The following KIRREL3 variants were observed in gnomAD, a reference collection of about 807,000 sequenced individuals.
KIRREL3 encodes the protein kin of IRRE-like protein 3.
In KIRREL3, 36 loss-of-function variants were observed where a neutral mutation model predicts 89.7. The ratio of observed to expected loss-of-function variants is 0.40; its 90% CI spans 0.31 to 0.53. The LOEUF is 0.53. KIRREL3 is among the 20% of genes least tolerant of loss of function. The pLI is 0.49. For synonymous variants in KIRREL3, 445 were observed against 441.4 expected (o/e 1.01, Z -0.10); for missense variants, 864 against 1,056.6 (o/e 0.82, Z 2.53).
chr11:126,699,243 C>G (rs1445316647), intron 1 of KIRREL3, among the ~76,000 whole-genome samples: 1 of 152,170 alleles, frequency 6.6e-6, no homozygotes. Flanking sequence ...GAGCCAGAGC[C>G]CCTCCATCCA....
chr11:126,863,618 T>TGTGA (rs4055000), intron 1 of KIRREL3, among the ~76,000 whole-genome samples: 84,248 of 123,080 alleles, frequency 0.68, 25,572 homozygotes, highest in African/African-American at 0.78. Context: ...TGCGTGCGTG[T>TGTGA]GTGTGTGTTT....
chr11:126,657,307 G>T (rs954611763), intron 1 of KIRREL3, among the ~76,000 whole-genome samples: 6 of 152,022 alleles, frequency 3.9e-5, no homozygotes, highest in South Asian at 2.1e-4. Context: ...AGGCTCTGAG[G>T]GGCCTAGTTA....
At chr11:126,869,263 C>T (rs975825680) in intron 1 of KIRREL3, among the ~76,000 whole-genome samples, 1 of 151,526 alleles carries the variant, frequency 6.6e-6, no homozygotes, top group East Asian at 1.9e-4. Flanking sequence ...GGAATGAACA[C>T]CCGGCTTCCT....
rs1238482367 is a variant in KIRREL3, at chr11:126,995,114, G to T, written c.55+5341C>A. The T allele has an allele frequency of 2.2e-6, 1 of 446,112 alleles. No homozygotes were observed. 27.6% of individuals were successfully genotyped at this position (446,112 alleles called of 1,614,324 possible). ...ATTACAACCTGGGCGCAGTATACTG[G>T]CTGGCTTTGCTGCTCACTCCCTTAC... On this transcript the variant is annotated intron_variant, in intron 1 of 16. Coordinates refer to ENST00000525144, the MANE Select transcript of KIRREL3 (RefSeq NM_032531.4). This position sits in a 1 kb window ranked among gnomAD's most constrained non-coding sequence, Gnocchi z 6.5.
intron 1 of KIRREL3, among the ~76,000 whole-genome samples, chr11:126,853,739 T>TAA (rs371500160): frequency 5.4e-5 from 8 of 148,074 alleles, no homozygotes; most frequent in African/African-American, 1.7e-4. Context: ...CACATAAACT[T>TAA]AAAAAAAAAA....
In KIRREL3 at chr11:126,605,414, G is replaced by T. The variant is rs1432667231; in HGVS notation, c.56-42502C>A. ...CTTGGGTCTGGGATTTGAGGCTCAG[G>T]GGGAGGAGTCCTGCGGTGACTGCTG... On this transcript the variant is annotated intron_variant, in intron 1 of 16. Transcript: ENST00000525144. This position sits in a 1 kb window ranked among gnomAD's most constrained non-coding sequence, Gnocchi z 5.7. Among the ~76,000 whole-genome samples the T allele has an allele frequency of 6.6e-6, 1 of 152,188 alleles. No individual in the cohort carries two copies. The highest frequency in any genetic ancestry group is 6.5e-5 in the Admixed American group (1 of 15,282).
chr11:126,604,947 A>G (rs1359001699), intron 1 of KIRREL3, among the ~76,000 whole-genome samples: 1 of 152,220 alleles, frequency 6.6e-6, no homozygotes, highest in Non-Finnish European at 1.5e-5. Context: ...CTCATAGCAC[A>G]CTTAGGAGGA....
rs1040529557 is a variant in KIRREL3, at chr11:126,708,959, A to G, written c.56-146047T>C. ...GAATTGGTTTCTTCTCTATCCCACT[A>G]TTACTGTCCTGATCCGTGCTAATCC... On this transcript the variant is annotated intron_variant, in intron 1 of 16. Transcript: ENST00000525144. The surrounding 1 kb of genome is among the most constrained non-coding windows in gnomAD (Gnocchi z 5.7). Among the ~76,000 whole-genome samples the G allele has an allele frequency of 1.3e-5, 2 of 151,928 alleles. No individual in the cohort carries two copies. The highest frequency in any genetic ancestry group is 4.8e-5 in the African/African-American group (2 of 41,322).
intron 1 of KIRREL3, among the ~76,000 whole-genome samples, chr11:126,973,158 T>G (rs938115470): frequency 1.2e-4 from 16 of 135,290 alleles, no homozygotes; most frequent in Non-Finnish European, 2.5e-4. Context: ...TGCATGAGCA[T>G]GTTAGTCACG....
At chr11:126,451,014 C>T (rs1437262899) in intron 7 of KIRREL3, among the ~76,000 whole-genome samples, 1 of 134,478 alleles carries the variant, frequency 7.4e-6, no homozygotes, top group Non-Finnish European at 1.6e-5. Flanking sequence ...CACGTGAGTG[C>T]ATGTGTCCAT....
In KIRREL3 at chr11:126,490,879, A is replaced by C. The variant is rs904356194; in HGVS notation, c.434-17413T>G. Among the ~76,000 whole-genome samples the C allele has an allele frequency of 5.3e-5, 8 of 152,152 alleles. No individual in the cohort carries two copies. Among genetic ancestry groups the C allele is most frequent in the African/African-American group, 1.9e-4 (8 of 41,414 alleles). ...ACGCCACTGCTTCCTTCTGGAGTGC[A>C]AGGTCAGGCAGGGATGCTCATTTGC... On this transcript the variant is annotated intron_variant, in intron 4 of 16. Transcript: ENST00000525144. This position sits in a 1 kb window ranked among gnomAD's most constrained non-coding sequence, Gnocchi z 4.2.
chr11:126,710,812 C>T lies in KIRREL3; in HGVS notation c.56-147900G>A, dbSNP rs1947726466. On this transcript the variant is annotated intron_variant, in intron 1 of 16. Transcript: ENST00000525144. The surrounding 1 kb of genome is among the most constrained non-coding windows in gnomAD (Gnocchi z 4.2). ...GAACAGATCTACTACAGTTTGACAA[C>T]TGCCACAAACACAAATCTTATTTGG... is the stretch of plus-strand genomic sequence containing the variant. 6.6e-6 allele frequency among the ~76,000 whole-genome samples: 1 copy of T among 152,190 alleles called. No individual in the cohort carries two copies. The highest frequency in any genetic ancestry group is 2.1e-4 in the South Asian group (1 of 4,822).
intron 1 of KIRREL3, among the ~76,000 whole-genome samples, chr11:126,604,277 G>A (rs1027520172): frequency 6.6e-6 from 1 of 152,194 alleles, no homozygotes; most frequent in African/African-American, 2.4e-5. Flanking sequence ...CGTGGGAATG[G>A]GCAGGAAGAC....
chr11:126,581,304 G>T (rs1046541888), intron 1 of KIRREL3, among the ~76,000 whole-genome samples: 1 of 152,108 alleles, frequency 6.6e-6, no homozygotes, highest in Non-Finnish European at 1.5e-5. Flanking sequence ...CTGGGTTCAA[G>T]TGATTTTCCC....
Position 126,876,779 on chromosome 11 carries a change from C to T in KIRREL3, c.55+123676G>A, listed in dbSNP as rs1945304403. 6.6e-6 allele frequency among the ~76,000 whole-genome samples: 1 copy of T among 152,130 alleles called. No homozygotes were observed. Among genetic ancestry groups the T allele is most frequent in the Non-Finnish European group, 1.5e-5 (1 of 68,018 alleles). On this transcript the variant is annotated intron_variant, in intron 1 of 16. Coordinates refer to ENST00000525144, the MANE Select transcript of KIRREL3 (RefSeq NM_032531.4). This position sits in a 1 kb window ranked among gnomAD's most constrained non-coding sequence, Gnocchi z 4.1. Reference sequence around the variant, plus strand: ...GGTTTTGAACTCATGACCTGATCTGCCCGCCTCAGCCTCCCGAAGTGCTAG... The same window carrying T: ...GGTTTTGAACTCATGACCTGATCTGTCCGCCTCAGCCTCCCGAAGTGCTAG...
chr11:126,442,202 A>C (rs1399908362), intron 10 of KIRREL3, among the ~76,000 whole-genome samples: 1 of 146,590 alleles, frequency 6.8e-6, no homozygotes, highest in African/African-American at 2.5e-5. Context: ...TGGAGGTTGC[A>C]GTGAGCCGAG....
chr11:126,648,307 C>T (rs946744864), intron 1 of KIRREL3, among the ~76,000 whole-genome samples: 4 of 152,210 alleles, frequency 2.6e-5, no homozygotes, highest in African/African-American at 9.6e-5. Context: ...GATGAGTGCA[C>T]TTGTGCTGGC....
chr11:126,522,909 G>A lies in KIRREL3; in HGVS notation c.284-1445C>T, dbSNP rs963734927. On this transcript the variant is annotated intron_variant, in intron 3 of 16. Transcript: ENST00000525144. The surrounding 1 kb of genome is among the most constrained non-coding windows in gnomAD (Gnocchi z 6.0). ...CACCACACAGGGAGTGTTCTCAGAC[G>A]GGTGCTGTAGGAGGATGAGACGGGA... Among the ~76,000 whole-genome samples, 3 of 152,202 alleles carry A rather than the reference G, an allele frequency of 2.0e-5. No individual in the cohort carries two copies. Among genetic ancestry groups the A allele is most frequent in the Non-Finnish European group, 2.9e-5 (2 of 68,034 alleles).
chr11:126,498,195 C>A lies in KIRREL3; in HGVS notation c.433+23120G>T, dbSNP rs989371769. ...GGGGTGGCCATCAAACCCCTAAAAC[C>A]CGAGGAGGGGAAGAGAGGGGTAGCA... On this transcript the variant is annotated intron_variant, in intron 4 of 16. Coordinates refer to ENST00000525144, the MANE Select transcript of KIRREL3 (RefSeq NM_032531.4). This position sits in a 1 kb window ranked among gnomAD's most constrained non-coding sequence, Gnocchi z 4.3. Among the ~76,000 whole-genome samples, 2 of 152,192 alleles carry A rather than the reference C, an allele frequency of 1.3e-5. No individual in the cohort carries two copies. Among genetic ancestry groups the A allele is most frequent in the Non-Finnish European group, 2.9e-5 (2 of 68,040 alleles).
Sources: gnomAD v4.1 joint callset for allele counts (sites outside exome capture counted in the v4.1 genomes callset) on GRCh38, gnomAD v4.1.1 for gene constraint, Gnocchi (gnomAD v3.1) non-coding constraint, MANE v1.5 for transcripts, NCBI Gene and HGNC (gene_info 2026-07-23, HGNC 2026-07-21) for gene names.